SSH2: variants seen among roughly 807,000 people sequenced by gnomAD.
The protein encoded by SSH2 is protein phosphatase Slingshot homolog 2.
In SSH2, 37 loss-of-function variants were observed where a neutral mutation model predicts 135.2. The ratio of observed to expected loss-of-function variants is 0.27; its 90% CI spans 0.21 to 0.36. The LOEUF is 0.36. SSH2 is among the 10% of genes least tolerant of loss of function. The pLI is 1.00. For synonymous variants in SSH2, 628 were observed against 646.2 expected (o/e 0.97, Z 0.43); for missense variants, 1,408 against 1,765.3 (o/e 0.80, Z 3.63).
intron 1 of SSH2, among the ~76,000 whole-genome samples, chr17:29,901,318 A>T (rs1474676395): frequency 3.9e-5 from 6 of 152,168 alleles, no homozygotes; most frequent in African/African-American, 1.4e-4. Context: ...AGTAAGATGA[A>T]ATTTTTTACT....
chr17:29,807,284 A>G (rs2042362472), intron 2 of SSH2, among the ~76,000 whole-genome samples: 1 of 152,232 alleles, frequency 6.6e-6, no homozygotes, highest in Non-Finnish European at 1.5e-5. Flanking sequence ...TAGAATATTT[A>G]AGATGTAGGT....
chr17:29,789,803 C>A (rs1158936522), intron 3 of SSH2, among the ~76,000 whole-genome samples: 6 of 152,180 alleles, frequency 3.9e-5, no homozygotes, highest in Non-Finnish European at 7.4e-5. Context: ...AGTCTTAAGA[C>A]CTAAGGGGAT....
At chr17:29,825,635 A>G (rs2042729521) in intron 2 of SSH2, among the ~76,000 whole-genome samples, 1 of 152,338 alleles carries the variant, frequency 6.6e-6, no homozygotes, top group East Asian at 1.9e-4. Flanking sequence ...TCAAGGCCTC[A>G]ATACTGATAC....
At chr17:29,854,884 T>A (rs1002587588) in intron 1 of SSH2, among the ~76,000 whole-genome samples, 1 of 151,542 alleles carries the variant, frequency 6.6e-6, no homozygotes, top group Admixed American at 6.6e-5. Flanking sequence ...GAGGCAGAGG[T>A]TGCAGTGAGC....
At chr17:29,826,508 T>C (rs2042747142) in intron 2 of SSH2, among the ~76,000 whole-genome samples, 1 of 152,302 alleles carries the variant, frequency 6.6e-6, no homozygotes, top group South Asian at 2.1e-4. Flanking sequence ...ACAAAAAACA[T>C]AGTAGTTTAT....
chr17:29,659,198 T>C (rs1475191584), intron 11 of SSH2, among the ~76,000 whole-genome samples: 1 of 152,182 alleles, frequency 6.6e-6, no homozygotes, highest in African/African-American at 2.4e-5. Context: ...ATTCAACTAG[T>C]CTCCTATGAA....
intron 12 of SSH2, among the ~76,000 whole-genome samples, chr17:29,652,003 G>A (rs1015358507): frequency 6.6e-6 from 1 of 152,130 alleles, no homozygotes; most frequent in Non-Finnish European, 1.5e-5. Context: ...TTAGCTGGGC[G>A]TGGTGGCATG....
At chr17:29,837,918 C>T (rs1322583648) in intron 2 of SSH2, among the ~76,000 whole-genome samples, 1 of 152,228 alleles carries the variant, frequency 6.6e-6, no homozygotes, top group Non-Finnish European at 1.5e-5. Context: ...CCAGGCACAA[C>T]TGCAGCTGCA....
chr17:29,876,552 A>G (rs1043803452), intron 1 of SSH2, among the ~76,000 whole-genome samples: 2 of 151,688 alleles, frequency 1.3e-5, no homozygotes, highest in African/African-American at 4.8e-5. Flanking sequence ...TTTTACCTTG[A>G]TGTGATCCCA....
At chr17:29,851,956 A>C (rs953308389) in intron 1 of SSH2, among the ~76,000 whole-genome samples, 1 of 152,138 alleles carries the variant, frequency 6.6e-6, no homozygotes. Context: ...TCATTCTTAT[A>C]AATATTTCAG....
intron 6 of SSH2, among the ~76,000 whole-genome samples, chr17:29,683,918 A>G (rs1227745914): frequency 6.6e-6 from 1 of 152,148 alleles, no homozygotes; most frequent in Non-Finnish European, 1.5e-5. Context: ...ACGGCACTTC[A>G]GCCTGGGCAG....
At chr17:29,853,938 C>T (rs1270699107) in intron 1 of SSH2, among the ~76,000 whole-genome samples, 1 of 150,732 alleles carries the variant, frequency 6.6e-6, no homozygotes, top group African/African-American at 2.5e-5. Flanking sequence ...AGATAGGTGT[C>T]TCTACCAAAA....
chr17:29,690,277 T>G (rs2038409532), intron 5 of SSH2, among the ~76,000 whole-genome samples: 1 of 151,594 alleles, frequency 6.6e-6, no homozygotes, highest in Admixed American at 6.6e-5. Flanking sequence ...TGGTGGCGCA[T>G]GCCGGTAATC....
chr17:29,695,461 G>C lies in SSH2; in HGVS notation c.355C>G (p.Leu119Val), dbSNP rs1472727587. 1 of 1,610,444 alleles carries C rather than the reference G, an allele frequency of 6.2e-7. No homozygotes were observed. Among genetic ancestry groups the C allele is most frequent in the Non-Finnish European group, 8.5e-7 (1 of 1,178,554 alleles). The change falls in exon 5 of 16, where the codon CTG becomes GTG. Residue 119 changes from leucine to valine, a missense_variant and splice_region_variant. Transcript: ENST00000540801. ...TTATGATGACACCACTAACTTACCAGCCTGATGTTGTCTTCTGGGCGGAGT... is the reference window on the plus strand; with the variant it reads ...TTATGATGACACCACTAACTTACCACCCTGATGTTGTCTTCTGGGCGGAGT... ...ILLRPEDNIRLAVRLESTYQN... is the reference protein window; with the variant it reads ...ILLRPEDNIRVAVRLESTYQN...
At chr17:29,819,972 T>G (rs2042625113) in intron 2 of SSH2, among the ~76,000 whole-genome samples, 1 of 152,208 alleles carries the variant, frequency 6.6e-6, no homozygotes, top group African/African-American at 2.4e-5. Context: ...TTCATATAAG[T>G]AAAATATAAG....
intron 3 of SSH2, among the ~76,000 whole-genome samples, chr17:29,762,642 C>A (rs540747451): frequency 6.6e-6 from 1 of 152,164 alleles, no homozygotes; most frequent in Admixed American, 6.5e-5. Context: ...AAGCCCTTAC[C>A]ATGTTCCTTC....
At chr17:29,819,649 A>G (rs1449342331) in intron 2 of SSH2, among the ~76,000 whole-genome samples, 1 of 152,254 alleles carries the variant, frequency 6.6e-6, no homozygotes, top group Non-Finnish European at 1.5e-5. Flanking sequence ...ATCTATGTGT[A>G]TTATGTGAAC....
intron 1 of SSH2, among the ~76,000 whole-genome samples, chr17:29,921,408 T>C (rs1268899753): frequency 6.6e-6 from 1 of 152,212 alleles, no homozygotes; most frequent in Non-Finnish European, 1.5e-5. Flanking sequence ...AAAGATTGAT[T>C]CAACCTTTCT....
At chr17:29,750,063 T>A (rs1172847532) in intron 3 of SSH2, among the ~76,000 whole-genome samples, 2 of 151,964 alleles carry the variant, frequency 1.3e-5, no homozygotes, top group African/African-American at 4.8e-5. Context: ...AATAACTTTA[T>A]CTTACAGTAA....
Sources: allele counts gnomAD v4.1 joint callset (sites outside exome capture counted in the v4.1 genomes callset), GRCh38; gene constraint gnomAD v4.1.1; transcripts MANE v1.5; gene names NCBI Gene and HGNC (gene_info 2026-07-23, HGNC 2026-07-21).